The following KCNG3 variants were observed in gnomAD, a reference collection of about 807,000 sequenced individuals.
KCNG3 encodes the protein potassium voltage-gated channel modifier subfamily G member 3.
KCNG3 carries 15 observed loss-of-function variants against 29.0 expected under a neutral mutation model. The observed-to-expected ratio is 0.52, with a 90% CI of 0.35 to 0.80. KCNG3 has a LOEUF of 0.80. Among genes scored for constraint, KCNG3 ranks in the 30% least tolerant of loss-of-function variants. KCNG3 has a pLI of 0.01. For synonymous variants in KCNG3, 322 were observed against 248.9 expected (o/e 1.29, Z -2.76); for missense variants, 512 against 605.7 (o/e 0.85, Z 1.62).
intron 1 of KCNG3, among the ~76,000 whole-genome samples, chr2:42,458,880 T>C (rs1408220763): frequency 2.0e-5 from 3 of 151,944 alleles, no homozygotes; most frequent in South Asian, 2.1e-4. Flanking sequence ...CTTAAACTTT[T>C]AGAGATGAAG....
At chr2:42,467,085 T>C (rs1457768042) in intron 1 of KCNG3, among the ~76,000 whole-genome samples, 1 of 152,056 alleles carries the variant, frequency 6.6e-6, no homozygotes, top group African/African-American at 2.4e-5. Context: ...CATAAAAATA[T>C]ATTAAACCAC....
At chr2:42,418,224 T>A in the KCNG3 span, among the ~76,000 whole-genome samples, 1 of 152,160 alleles carries the variant, frequency 6.6e-6, no homozygotes, top group Non-Finnish European at 1.5e-5. Context: ...TTACATGTCT[T>A]ATTTCACATA....
the KCNG3 span, among the ~76,000 whole-genome samples, chr2:42,403,667 G>A: frequency 1.7e-3 from 244 of 145,654 alleles, 1 homozygote; most frequent in African/African-American, 5.1e-3. Flanking sequence ...GTTTCACCAC[G>A]TTGGCCAGGC....
At chr2:42,404,977 A>G in the KCNG3 span, among the ~76,000 whole-genome samples, 29,101 of 152,144 alleles carry the variant, frequency 0.19, 3,297 homozygotes, top group African/African-American at 0.32. Context: ...TTTGGCAGCA[A>G]AAAAAGTCAG....
intron 1 of KCNG3, among the ~76,000 whole-genome samples, chr2:42,490,957 C>G: frequency 6.6e-6 from 1 of 152,168 alleles, no homozygotes; most frequent in East Asian, 1.9e-4. Context: ...TGCAGTTTAT[C>G]TGTTTGGGAT....
downstream of KCNG3, among the ~76,000 whole-genome samples, chr2:42,441,731 C>CTTATATATAAAATATATA (rs1558371174): frequency 5.5e-4 from 5 of 9,028 alleles, no homozygotes; most frequent in Admixed American, 1.5e-3. Flanking sequence ...CACACATATC[C>CTTATATATAAAATATATA]CTATATATAA....
chr2:42,434,955 TA>T, the KCNG3 span, among the ~76,000 whole-genome samples: 5 of 151,922 alleles, frequency 3.3e-5, no homozygotes, highest in Non-Finnish European at 7.4e-5. Flanking sequence ...ATGCAAAAAT[TA>T]ACTAAAAATG....
rs1672514146 is a variant in KCNG3, at chr2:42,442,791, G to T, written c.*1143C>A. 6.6e-6 allele frequency: 1 copy of T among 152,146 alleles called. No individual in the cohort carries two copies. The highest frequency in any genetic ancestry group is 2.4e-5 in the African/African-American group (1 of 41,452). The allele number at this position is 152,146 out of a possible 1,614,324, so 9.4% of individuals were successfully genotyped here. A position where few individuals can be genotyped will look rare whatever the true frequency, so the allele number is the denominator to read the frequency against. On this transcript the variant is annotated 3_prime_UTR_variant, in exon 2 of 2. Transcript: ENST00000306078. ...CTAATAATCTAGCCAGATTAACATG[G>T]CATATTAGTCAGTATTCTTACAAGA... is the stretch of plus-strand genomic sequence containing the variant.
chr2:42,453,917 G>C (rs1185184652), intron 1 of KCNG3, among the ~76,000 whole-genome samples: 1 of 151,966 alleles, frequency 6.6e-6, no homozygotes, highest in Non-Finnish European at 1.5e-5. Flanking sequence ...AGTTTCTTTT[G>C]CATATGGATG....
the KCNG3 span, among the ~76,000 whole-genome samples, chr2:42,394,072 T>C: frequency 6.6e-6 from 1 of 152,212 alleles, no homozygotes; most frequent in African/African-American, 2.4e-5. Context: ...TGAGCCACTA[T>C]GCCAGGCCAT....
At chr2:42,486,161 T>G (rs952347899) in intron 1 of KCNG3, among the ~76,000 whole-genome samples, 1 of 152,218 alleles carries the variant, frequency 6.6e-6, no homozygotes, top group African/African-American at 2.4e-5. Context: ...TTACTGTGTG[T>G]GAGCCAAAGT....
the KCNG3 span, among the ~76,000 whole-genome samples, chr2:42,418,435 A>G: frequency 1.3e-4 from 20 of 152,246 alleles, no homozygotes; most frequent in African/African-American, 4.1e-4. Context: ...TATTAGAGAA[A>G]AAATACCGCA....
the KCNG3 span, among the ~76,000 whole-genome samples, chr2:42,435,551 C>G: frequency 6.6e-6 from 1 of 152,122 alleles, no homozygotes; most frequent in African/African-American, 2.4e-5. Context: ...CCAGAATAAA[C>G]AACTCTTAAA....
the KCNG3 span, among the ~76,000 whole-genome samples, chr2:42,421,914 G>C: frequency 3.3e-5 from 5 of 152,130 alleles, no homozygotes; most frequent in African/African-American, 4.8e-5. Flanking sequence ...TAATCTGGTT[G>C]GTTAGTAACT....
the KCNG3 span, among the ~76,000 whole-genome samples, chr2:42,397,019 G>A: frequency 6.3e-3 from 956 of 152,234 alleles, 9 homozygotes; most frequent in African/African-American, 0.022. Flanking sequence ...AGCACTTTGG[G>A]AGGCCAAAGT....
At chr2:42,395,072 T>C in the KCNG3 span, among the ~76,000 whole-genome samples, 1 of 152,132 alleles carries the variant, frequency 6.6e-6, no homozygotes, top group Non-Finnish European at 1.5e-5. Context: ...TTTTTCTAAA[T>C]CAAAGAATAA....
At chr2:42,395,945 C>T in the KCNG3 span, among the ~76,000 whole-genome samples, 1 of 151,994 alleles carries the variant, frequency 6.6e-6, no homozygotes, top group African/African-American at 2.4e-5. Flanking sequence ...TTGAGCAAAA[C>T]CTTGTTTCAA....
At position 42,471,885 on chromosome 2, in the gene KCNG3, CAA is replaced by C. The variant is rs59566876; in HGVS notation, c.665+20950_665+20951del. 1.8e-3 allele frequency among the ~76,000 whole-genome samples: 116 copies of C among 63,884 alleles called. 1 individual carries two copies. Among genetic ancestry groups the C allele is most frequent in the Admixed American group, 0.012 (70 of 5,658 alleles). 41.9% of individuals were successfully genotyped at this position (63,884 alleles called of 152,430 possible). ...AGTGACACAGCGAGACCCTGTATCT[CAA>C]AAAAAAAAAAAAAAAAGAAAGAAAA... On this transcript the variant is annotated intron_variant, in intron 1 of 1. Coordinates refer to ENST00000306078, the MANE Select transcript of KCNG3 (RefSeq NM_133329.6).
At chr2:42,475,357 G>A (rs577311102) in intron 1 of KCNG3, among the ~76,000 whole-genome samples, 1 of 137,588 alleles carries the variant, frequency 7.3e-6, no homozygotes, top group East Asian at 2.1e-4. Context: ...ATAGAGTCTC[G>A]CTCTGTCGCC....
Sources: allele counts gnomAD v4.1 joint callset (sites outside exome capture counted in the v4.1 genomes callset), GRCh38; gene constraint gnomAD v4.1.1; transcripts MANE v1.5; gene names NCBI Gene and HGNC (gene_info 2026-07-23, HGNC 2026-07-21).